The following PRKN variants were observed in gnomAD, a reference collection of about 807,000 sequenced individuals.
PRKN encodes the protein parkin RBR E3 ubiquitin protein ligase.
In PRKN, 56 loss-of-function variants were observed where a neutral mutation model predicts 59.5. The ratio of observed to expected loss-of-function variants is 0.94; its 90% CI spans 0.76 to 1.18. The LOEUF is 1.18. Ranked by LOEUF, PRKN falls within the 50% of genes most tolerant of loss-of-function variation. The pLI, the probability that PRKN is intolerant of heterozygous loss-of-function variation, is 0.00. For synonymous variants in PRKN, 250 were observed against 222.1 expected, an observed-to-expected ratio of 1.13 and a Z score of -1.12; for missense variants, 657 against 596.4, an observed-to-expected ratio of 1.10 and a Z score of -1.06.
At chr6:162,473,415 G>C (rs1007252638) in intron 1 of PRKN, among the ~76,000 whole-genome samples, 3 of 152,128 alleles carry the variant, frequency 2.0e-5, no homozygotes, top group Non-Finnish European at 2.9e-5. Context: ...TTGTCCAAAT[G>C]CATTTCCCTA....
At chr6:161,651,497 A>G (rs1016908319) in intron 7 of PRKN, among the ~76,000 whole-genome samples, 2 of 152,160 alleles carry the variant, frequency 1.3e-5, no homozygotes, top group Admixed American at 1.3e-4. Flanking sequence ...ACTATTCTTT[A>G]GCCACTTAGG....
chr6:162,290,393 A>C (rs1345032381), intron 2 of PRKN, among the ~76,000 whole-genome samples: 1 of 152,210 alleles, frequency 6.6e-6, no homozygotes, highest in African/African-American at 2.4e-5. Context: ...TGGAAATACA[A>C]ATAAATCTAA....
chr6:161,350,234 G>T, intron 11 of PRKN, 23 bp from the exon 12 acceptor site: 1 of 1,559,844 alleles, frequency 6.4e-7, no homozygotes, highest in Non-Finnish European at 8.8e-7. Context: ...GAAAACAAAG[G>T]TGTGGTGGGT....
At chr6:162,188,282 A>G (rs925779133) in intron 4 of PRKN, among the ~76,000 whole-genome samples, 2 of 152,168 alleles carry the variant, frequency 1.3e-5, no homozygotes, top group Non-Finnish European at 2.9e-5. Flanking sequence ...AATCACCAGT[A>G]GGCATGAAAT....
intron 1 of PRKN, among the ~76,000 whole-genome samples, chr6:162,667,427 T>TGTA (rs1232873955): frequency 6.6e-6 from 1 of 152,128 alleles, no homozygotes; most frequent in Non-Finnish European, 1.5e-5. Context: ...TGTTAAGGTA[T>TGTA]GTAGATTATG....
chr6:161,865,286 A>G (rs1441941450), intron 6 of PRKN, among the ~76,000 whole-genome samples: 1 of 152,192 alleles, frequency 6.6e-6, no homozygotes. Flanking sequence ...CCCTTTATAG[A>G]GCACAGGCAG....
intron 6 of PRKN, among the ~76,000 whole-genome samples, chr6:161,840,300 G>T (rs1792930584): frequency 6.6e-6 from 1 of 152,218 alleles, no homozygotes; most frequent in South Asian, 2.1e-4. Flanking sequence ...GGCCCTGCGT[G>T]TTTGTGCATT....
intron 4 of PRKN, among the ~76,000 whole-genome samples, chr6:162,070,051 T>C (rs1326160858): frequency 1.3e-5 from 2 of 152,248 alleles, no homozygotes; most frequent in East Asian, 1.9e-4. Flanking sequence ...CAAGCCAACC[T>C]TGATTTCCAG....
intron 7 of PRKN, among the ~76,000 whole-genome samples, chr6:161,742,735 C>CATTTTCACAAGTTAGCTCATTGG (rs1788241292): frequency 1.3e-5 from 2 of 152,202 alleles, no homozygotes; most frequent in Non-Finnish European, 2.9e-5. Context: ...TCACGCCAGG[C>CATTTTCACAAGTTAGCTCATTGG]ATTTTCACAA....
rs372106837 is a variant in PRKN, at chr6:161,497,575, T to TCACACACA, written c.1083+51278_1083+51279insTGTGTGTG. The stretch of plus-strand genomic sequence containing the variant: ...ACATGTCTCTCTCTCTCTCTCTCTC[T>TCACACACA]CTCACACACACACACACACACACCA... On this transcript the variant is annotated intron_variant, in intron 9 of 11. Transcript: ENST00000366898. The surrounding 1 kb of genome is among the most constrained non-coding windows in gnomAD (Gnocchi z 4.6). Among the ~76,000 whole-genome samples, 34 of 139,612 alleles carry TCACACACA rather than the reference T, an allele frequency of 2.4e-4. No homozygotes were observed. Among genetic ancestry groups the TCACACACA allele is most frequent in the African/African-American group, 2.9e-4 (10 of 34,272 alleles). 91.6% of individuals were successfully genotyped at this position (139,612 alleles called of 152,430 possible). A position where few individuals can be genotyped will look rare whatever the true frequency, so the allele number is the denominator to read the frequency against.
intron 7 of PRKN, among the ~76,000 whole-genome samples, chr6:161,739,330 C>T (rs567482103): frequency 1.3e-5 from 2 of 152,146 alleles, no homozygotes; most frequent in South Asian, 4.2e-4. Context: ...ATCGCTGGAA[C>T]CTGGGAGATG....
chr6:161,717,175 C>T (rs1338365972), intron 7 of PRKN, among the ~76,000 whole-genome samples: 2 of 152,164 alleles, frequency 1.3e-5, no homozygotes, highest in Non-Finnish European at 2.9e-5. Flanking sequence ...AAAGAACAGA[C>T]ATTTCTTTCT....
chr6:161,925,790 A>C (rs1360216947), intron 6 of PRKN, among the ~76,000 whole-genome samples: 1 of 152,130 alleles, frequency 6.6e-6, no homozygotes, highest in Admixed American at 6.5e-5. Context: ...AATGGGGATA[A>C]AACAAACAAA....
In PRKN at chr6:162,075,657, G is replaced by A. The variant is rs555113342; in HGVS notation, c.535-21483C>T. ...GACCACTCCAACAACGTTTTGGAGT[G>A]GTGGAGGTGAGAAAGGCATGTATCA... On this transcript the variant is annotated intron_variant, in intron 4 of 11. Coordinates refer to ENST00000366898, the MANE Select transcript of PRKN (RefSeq NM_004562.3). Among the ~76,000 whole-genome samples the A allele has an allele frequency of 6.6e-5, 10 of 152,038 alleles. 1 individual carries two copies. The South Asian group carries it at 2.1e-3, about 32-fold the overall frequency.
intron 7 of PRKN, among the ~76,000 whole-genome samples, chr6:161,632,030 G>T (rs1198446936): frequency 6.6e-6 from 1 of 152,168 alleles, no homozygotes. Flanking sequence ...CAAATTGATA[G>T]CTTCAGCATT....
chr6:162,108,785 C>T (rs571858523), intron 4 of PRKN, among the ~76,000 whole-genome samples: 12 of 152,250 alleles, frequency 7.9e-5, no homozygotes, highest in Middle Eastern at 3.4e-3. Context: ...CTGAGTAGGA[C>T]TAGATAGATT....
At chr6:162,100,853 A>T (rs1392150339) in intron 4 of PRKN, among the ~76,000 whole-genome samples, 1 of 152,108 alleles carries the variant, frequency 6.6e-6, no homozygotes, top group African/African-American at 2.4e-5. Flanking sequence ...ATTTTTTCAT[A>T]TACCTGTTGG....
chr6:161,872,576 T>C (rs1304440094), intron 6 of PRKN, among the ~76,000 whole-genome samples: 1 of 152,132 alleles, frequency 6.6e-6, no homozygotes, highest in African/African-American at 2.4e-5. Flanking sequence ...GTTCTGGGCT[T>C]TCCTGGTCAC....
rs746975662 is a variant in PRKN, at chr6:162,426,519, C to T, written c.171+16791G>A. Among the ~76,000 whole-genome samples, 6 of 152,232 alleles carry T rather than the reference C, an allele frequency of 3.9e-5. No homozygotes were observed. In the East Asian group the frequency reaches 7.7e-4, roughly 20 times the overall value. On this transcript the variant is annotated intron_variant, in intron 2 of 11. Coordinates refer to ENST00000366898, the MANE Select transcript of PRKN (RefSeq NM_004562.3). The stretch of plus-strand genomic sequence containing the variant: ...ACGCTGTAATGCAGTGGCACAATCT[C>T]GGCTCACTACAACCTCTGCCTCCTG...
Sources: allele counts gnomAD v4.1 joint callset (sites outside exome capture counted in the v4.1 genomes callset), GRCh38; gene constraint gnomAD v4.1.1; non-coding constraint Gnocchi (gnomAD v3.1); transcripts MANE v1.5; gene names NCBI Gene and HGNC (gene_info 2026-07-23, HGNC 2026-07-21).